Variants in XCR1 observed in about 807,000 individuals in gnomAD.
The protein encoded by XCR1 is chemokine XC receptor 1.
For synonymous variants in XCR1, 187 were observed against 188.5 expected (o/e 0.99, Z 0.06); for missense variants, 356 against 424.2 (o/e 0.84, Z 1.41).
chr3:46,055,343 GTTTT>G (rs1028583738), intron 4 of XCR1, among the ~76,000 whole-genome samples: 1 of 152,162 alleles, frequency 6.6e-6, no homozygotes, highest in Non-Finnish European at 1.5e-5. Flanking sequence ...AAATCAGAAG[GTTTT>G]TGTTTAAGAA....
At position 46,021,130 on chromosome 3, in the gene XCR1, C is replaced by T. The variant is rs143288594; in HGVS notation, c.818G>A (p.Arg273His). ...QQLEYALLIC[R>H]NLAFSHCCFN... ...GCAGCAGTGGGAGAAGGCGAGGTTG[C>T]GGCAGATGAGCAGGGCGTATTCTAG... is the stretch of plus-strand genomic sequence containing the variant. Residue 273 changes from arginine (R) to histidine (H), a missense_variant, in exon 2 of 2, where the codon CGC (arginine) becomes CAC (histidine). Coordinates refer to ENST00000309285, the MANE Select transcript of XCR1 (RefSeq NM_001024644.2). This position sits in a 1 kb window ranked among gnomAD's most constrained non-coding sequence, Gnocchi z 4.7. 7 of 1,614,206 alleles carry T rather than the reference C, an allele frequency of 4.3e-6. No individual in the cohort carries two copies. In the South Asian group the frequency reaches 5.5e-5, roughly 13 times the overall value.
At chr3:46,057,140 A>G (rs1369971311) in intron 4 of XCR1, among the ~76,000 whole-genome samples, 3 of 152,174 alleles carry the variant, frequency 2.0e-5, no homozygotes, top group East Asian at 1.9e-4. Context: ...TTCCGTTTTT[A>G]GTTTTTAGAG....
intron 1 of XCR1, among the ~76,000 whole-genome samples, chr3:46,083,772 A>G (rs113142489): frequency 0.077 from 11,779 of 152,246 alleles, 796 homozygotes; most frequent in African/African-American, 0.19. Flanking sequence ...GGTGGCAAAT[A>G]CCTCTTGTTG....
chr3:46,029,903 C>G (rs926608748), upstream of XCR1, among the ~76,000 whole-genome samples: 1 of 151,896 alleles, frequency 6.6e-6, no homozygotes, highest in African/African-American at 2.4e-5. Flanking sequence ...AAATTTATTC[C>G]TAAGTATTTT....
chr3:46,077,433 T>C (rs1277240793), intron 1 of XCR1, among the ~76,000 whole-genome samples: 1 of 151,864 alleles, frequency 6.6e-6, no homozygotes, highest in African/African-American at 2.4e-5. Context: ...GATGGGACCA[T>C]CTAGTTGCAG....
rs375665433 is a variant in XCR1, at chr3:46,065,067, G to A, written c.-183+1832C>T. Among the ~76,000 whole-genome samples the A allele has an allele frequency of 4.6e-5, 7 of 151,704 alleles. No individual in the cohort carries two copies. The East Asian group carries it at 1.4e-3, about 29-fold the overall frequency. ...GATCCCGCCATTGCACTCCAGCCTG[G>A]GCAACAAGAGAAAAACCCTGTCTCA... is the stretch of plus-strand genomic sequence containing the variant. On this transcript the variant is annotated intron_variant, in intron 4 of 5. Coordinates refer to the XCR1 transcript ENST00000683768.
At chr3:46,038,526 G>A (rs1227530872) in intron 5 of XCR1, among the ~76,000 whole-genome samples, 3 of 151,968 alleles carry the variant, frequency 2.0e-5, no homozygotes. Context: ...TTGGTTCTTT[G>A]AATAGACATT....
At chr3:46,026,274 G>A (rs915930805) in intron 1 of XCR1, among the ~76,000 whole-genome samples, 31 of 152,102 alleles carry the variant, frequency 2.0e-4, no homozygotes, top group African/African-American at 7.5e-4. Flanking sequence ...AGATAAAAAG[G>A]AAAATGATGT....
At chr3:46,084,406 T>A (rs1206042308) in intron 1 of XCR1, among the ~76,000 whole-genome samples, 1 of 152,222 alleles carries the variant, frequency 6.6e-6, no homozygotes, top group Non-Finnish European at 1.5e-5. Flanking sequence ...AGCTATCACA[T>A]CTCATGCCTC....
At chr3:46,064,352 C>T (rs1271809597) in intron 4 of XCR1, among the ~76,000 whole-genome samples, 1 of 152,194 alleles carries the variant, frequency 6.6e-6, no homozygotes, top group Non-Finnish European at 1.5e-5. Context: ...CAGTAGCTGG[C>T]ACATACCAGG....
intron 1 of XCR1, among the ~76,000 whole-genome samples, chr3:46,026,731 C>T (rs188569518): frequency 7.9e-4 from 120 of 151,814 alleles, no homozygotes; most frequent in Middle Eastern, 3.4e-3. Flanking sequence ...TACAGGTGCC[C>T]GTCACCACAC....
intron 5 of XCR1, among the ~76,000 whole-genome samples, chr3:46,043,440 C>G (rs1697569945): frequency 6.6e-6 from 1 of 151,808 alleles, no homozygotes; most frequent in Non-Finnish European, 1.5e-5. Flanking sequence ...GACCCCATCT[C>G]AAAAAACCAA....
intron 4 of XCR1, among the ~76,000 whole-genome samples, chr3:46,055,063 A>G (rs1448670786): frequency 2.0e-5 from 3 of 152,230 alleles, no homozygotes; most frequent in African/African-American, 7.2e-5. Flanking sequence ...TCTGCAGTGT[A>G]TTGAGTTCAG....
At chr3:46,072,371 T>G (rs1041486070) in intron 3 of XCR1, among the ~76,000 whole-genome samples, 32 of 151,970 alleles carry the variant, frequency 2.1e-4, no homozygotes, top group African/African-American at 7.5e-4. Context: ...ATACAAAAAA[T>G]TAGCTGGGCA....
intron 5 of XCR1, among the ~76,000 whole-genome samples, chr3:46,044,592 T>G (rs1159596401): frequency 6.6e-6 from 1 of 152,062 alleles, no homozygotes; most frequent in Non-Finnish European, 1.5e-5. Context: ...AACAAATCAA[T>G]AAAATTGATT....
At chr3:46,024,364 C>G (rs577330187) in intron 1 of XCR1, among the ~76,000 whole-genome samples, 1 of 152,290 alleles carries the variant, frequency 6.6e-6, no homozygotes, top group East Asian at 1.9e-4. Flanking sequence ...ATCTCATTCA[C>G]TGACTTGAGC....
chr3:46,032,031 T>C (rs532466510), upstream of XCR1, among the ~76,000 whole-genome samples: 2 of 152,368 alleles, frequency 1.3e-5, no homozygotes, highest in Admixed American at 6.5e-5. Flanking sequence ...AGCTGTTCTA[T>C]TGCTTGATAA....
At chr3:46,071,340 A>T (rs1698161013) in intron 3 of XCR1, among the ~76,000 whole-genome samples, 1 of 152,104 alleles carries the variant, frequency 6.6e-6, no homozygotes, top group Non-Finnish European at 1.5e-5. Flanking sequence ...TTAAGTTTCA[A>T]AAAAAGGCCA....
intron 5 of XCR1, among the ~76,000 whole-genome samples, chr3:46,050,354 T>A (rs1233150786): frequency 1.3e-5 from 2 of 152,184 alleles, no homozygotes; most frequent in Admixed American, 1.3e-4. Context: ...TTGTTGAAAA[T>A]CATTTAAAGT....
Sources: allele counts gnomAD v4.1 joint callset (sites outside exome capture counted in the v4.1 genomes callset), GRCh38; gene constraint gnomAD v4.1.1; non-coding constraint Gnocchi (gnomAD v3.1); transcripts MANE v1.5; gene names NCBI Gene and HGNC (gene_info 2026-07-23, HGNC 2026-07-21).